Variants in KCND2 observed in about 807,000 individuals in gnomAD.
KCND2 encodes the protein A-type voltage-gated potassium channel KCND2.
In KCND2, 16 loss-of-function variants were observed where a neutral mutation model predicts 54.4. The observed-to-expected ratio is 0.29, with a 90% CI of 0.20 to 0.45. The LOEUF (loss-of-function observed/expected upper bound fraction) is 0.45. KCND2 is among the 20% of genes least tolerant of loss of function. KCND2 has a pLI of 1.00. For missense variants in KCND2, 486 were observed against 824.2 expected (o/e 0.59, Z 5.02); for synonymous variants, 317 against 310.7 (o/e 1.02, Z -0.21).
intron 1 of KCND2, among the ~76,000 whole-genome samples, chr7:120,295,868 C>T (rs1799506791): frequency 6.6e-6 from 1 of 151,700 alleles, no homozygotes; most frequent in African/African-American, 2.4e-5. Flanking sequence ...CCCCAGAATC[C>T]CTGCTGTTAA....
At chr7:120,570,471 C>G (rs1792350777) in intron 1 of KCND2, among the ~76,000 whole-genome samples, 1 of 149,908 alleles carries the variant, frequency 6.7e-6, no homozygotes, top group Admixed American at 6.6e-5. Flanking sequence ...TTACACTTGC[C>G]TTGATAGCTG....
intron 1 of KCND2, among the ~76,000 whole-genome samples, chr7:120,308,969 A>G (rs927909667): frequency 1.4e-4 from 22 of 152,184 alleles, no homozygotes; most frequent in African/African-American, 5.1e-4. Flanking sequence ...ACAGAAGATA[A>G]CAGCAAATGA....
intron 1 of KCND2, among the ~76,000 whole-genome samples, chr7:120,364,824 G>T (rs936433017): frequency 6.6e-6 from 1 of 152,028 alleles, no homozygotes; most frequent in East Asian, 1.9e-4. Context: ...GGGGTTTCTT[G>T]CCCGTCAGAC....
intron 1 of KCND2, among the ~76,000 whole-genome samples, chr7:120,277,109 T>C (rs1400067068): frequency 1.3e-5 from 2 of 152,104 alleles, no homozygotes; most frequent in African/African-American, 4.8e-5. Context: ...GAATAGTTTA[T>C]ATATGAAGAA....
rs1348344546 is a variant in KCND2, at chr7:120,274,974, T to C, written c.342T>C (p.Ala114=). 1.2e-6 allele frequency: 2 copies of C among 1,614,104 alleles called. No homozygotes were observed. Among genetic ancestry groups the C allele is most frequent in the South Asian group, 1.1e-5 (1 of 91,076 alleles). The change falls in exon 1 of 6, where the codon GCT becomes GCC. Residue 114 remains alanine (A), a synonymous_variant. Coordinates refer to ENST00000331113, the MANE Select transcript of KCND2 (RefSeq NM_012281.3). ...ATCCTCGCCACGAGTGCATCTCTGCTTACGATGAAGAACTGGCCTTCTTTG... is the reference window on the plus strand; with the variant it reads ...ATCCTCGCCACGAGTGCATCTCTGCCTACGATGAAGAACTGGCCTTCTTTG... ...LHYPRHECIS[A]YDEELAFFGL...
At chr7:120,710,998 T>C (rs1269945596) in intron 1 of KCND2, among the ~76,000 whole-genome samples, 3 of 152,154 alleles carry the variant, frequency 2.0e-5, no homozygotes, top group Admixed American at 1.3e-4. Flanking sequence ...TTGTTTCTTA[T>C]ATATTTTCTA....
intron 1 of KCND2, among the ~76,000 whole-genome samples, chr7:120,688,230 T>C (rs575161914): frequency 3.9e-5 from 6 of 152,332 alleles, no homozygotes; most frequent in Non-Finnish European, 5.9e-5. Context: ...ACAAACTTTT[T>C]CTGTTAAGTA....
intron 1 of KCND2, among the ~76,000 whole-genome samples, chr7:120,621,791 G>T (rs1447126612): frequency 6.6e-6 from 1 of 152,064 alleles, no homozygotes; most frequent in Admixed American, 6.6e-5. Flanking sequence ...AAGAAAACAA[G>T]ATTAAAGGAG....
chr7:120,674,134 C>T (rs1181142778), intron 1 of KCND2, among the ~76,000 whole-genome samples: 1 of 152,028 alleles, frequency 6.6e-6, no homozygotes, highest in African/African-American at 2.4e-5. Flanking sequence ...GAACTCCTCA[C>T]CTCAGGTTAT....
At chr7:120,326,717 G>T (rs1446926041) in intron 1 of KCND2, among the ~76,000 whole-genome samples, 1 of 151,980 alleles carries the variant, frequency 6.6e-6, no homozygotes, top group African/African-American at 2.4e-5. Flanking sequence ...ATAAATATTT[G>T]TATTTGTTTG....
chr7:120,394,785 C>T (rs543578221), intron 1 of KCND2, among the ~76,000 whole-genome samples: 183 of 152,094 alleles, frequency 1.2e-3, no homozygotes, highest in Non-Finnish European at 2.0e-3. Flanking sequence ...CTCTCAGTGT[C>T]ATAATGTTTG....
chr7:120,451,841 A>G (rs1466466739), intron 1 of KCND2, among the ~76,000 whole-genome samples: 1 of 152,232 alleles, frequency 6.6e-6, no homozygotes, highest in African/African-American at 2.4e-5. Flanking sequence ...TGAAAATTCT[A>G]GAAATCTCAC....
intron 1 of KCND2, among the ~76,000 whole-genome samples, chr7:120,549,958 T>A (rs1255882911): frequency 6.6e-6 from 1 of 152,094 alleles, no homozygotes; most frequent in Non-Finnish European, 1.5e-5. Flanking sequence ...GAAATAGTCA[T>A]AAGAGCATAA....
At chr7:120,724,900 A>G (rs1227036873) in intron 1 of KCND2, among the ~76,000 whole-genome samples, 1 of 152,194 alleles carries the variant, frequency 6.6e-6, no homozygotes, top group Non-Finnish European at 1.5e-5. Flanking sequence ...TGGCTCTGAA[A>G]GGCATATTTT....
chr7:120,651,282 C>A (rs564906783), intron 1 of KCND2, among the ~76,000 whole-genome samples: 4 of 145,650 alleles, frequency 2.7e-5, no homozygotes, highest in Non-Finnish European at 6.0e-5. Flanking sequence ...AGCTTCCCGG[C>A]CACTTTGTTT....
intron 1 of KCND2, among the ~76,000 whole-genome samples, chr7:120,494,324 C>G (rs1802821761): frequency 6.6e-6 from 1 of 151,958 alleles, no homozygotes; most frequent in Non-Finnish European, 1.5e-5. Context: ...ATGTTTATTT[C>G]TATATATTGT....
rs1247233812 is a variant in KCND2, at chr7:120,677,550, TATATAG to T, written c.1116-55347_1116-55342del. Among the ~76,000 whole-genome samples, 966 of 129,542 alleles carry T rather than the reference TATATAG, an allele frequency of 7.5e-3. 16 individuals are homozygous for T. The highest frequency in any genetic ancestry group is 0.025 in the African/African-American group (838 of 33,730). The allele number at this position is 129,542 out of a possible 152,430, so 85.0% of individuals were successfully genotyped here. A position where few individuals can be genotyped will look rare whatever the true frequency, so the allele number is the denominator to read the frequency against. On this transcript the variant is annotated intron_variant, in intron 1 of 5. Coordinates refer to ENST00000331113, the MANE Select transcript of KCND2 (RefSeq NM_012281.3). The stretch of plus-strand genomic sequence containing the variant: ...ATATAGATATAGATATAGATATAGA[TATATAG>T]ATATATAGATATATAGATATATAGA...
At chr7:120,455,205 C>A (rs1802177222) in intron 1 of KCND2, among the ~76,000 whole-genome samples, 1 of 151,708 alleles carries the variant, frequency 6.6e-6, no homozygotes, top group African/African-American at 2.4e-5. Flanking sequence ...TTATGTAGAA[C>A]CAAAAAAGAA....
At chr7:120,616,027 T>C (rs1483261882) in intron 1 of KCND2, among the ~76,000 whole-genome samples, 1 of 152,186 alleles carries the variant, frequency 6.6e-6, no homozygotes, top group African/African-American at 2.4e-5. Context: ...GCAGTGTTAG[T>C]TACTTTTATG....
Sources: allele counts gnomAD v4.1 joint callset (sites outside exome capture counted in the v4.1 genomes callset), GRCh38; gene constraint gnomAD v4.1.1; transcripts MANE v1.5; gene names NCBI Gene and HGNC (gene_info 2026-07-23, HGNC 2026-07-21).